The following HERC5 variants were observed in gnomAD, a reference collection of about 807,000 sequenced individuals.
HERC5 encodes the protein HECT and RLD domain containing E3 ubiquitin protein ligase 5, also known as E3 ISG15--protein ligase HERC5.
In HERC5, 99 loss-of-function variants were observed where a neutral mutation model predicts 119.6. The observed-to-expected ratio is 0.83, with a 90% CI of 0.70 to 0.98. The LOEUF (loss-of-function observed/expected upper bound fraction) is 0.98, where lower values mean the gene tolerates loss of function less well. HERC5 is among the 50% of genes least tolerant of loss of function. The pLI is 0.00. For missense variants in HERC5, 1,267 were observed against 1,241.3 expected (o/e 1.02, Z -0.31); for synonymous variants, 478 against 445.9 (o/e 1.07, Z -0.91).
chr4:88,489,430 C>A, intron 16 of HERC5, 94 bp downstream of exon 16: 1 of 1,184,752 alleles, frequency 8.4e-7, no homozygotes. Flanking sequence ...AAGTTATCTT[C>A]CTTTGCCACA....
Position 88,469,329 on chromosome 4 carries a change from A to G in HERC5, c.1238+69A>G. On this transcript the variant is annotated intron_variant, in intron 9 of 22. Coordinates refer to ENST00000264350, the MANE Select transcript of HERC5 (RefSeq NM_016323.4). ...GTATCATTTCCCAAACTGGTTCTGC[A>G]CAGCAATATGAGATTTTGTAGTCAG... 4 of 1,027,534 alleles carry G rather than the reference A, an allele frequency of 3.9e-6. No homozygotes were observed. In the South Asian group the frequency reaches 3.9e-5, roughly 10 times the overall value. 63.7% of individuals were successfully genotyped at this position (1,027,534 alleles called of 1,614,324 possible).
At chr4:88,489,472 C>T in intron 16 of HERC5, 136 bp downstream of exon 16, 2 of 818,704 alleles carry the variant, frequency 2.4e-6, no homozygotes, top group Non-Finnish European at 3.8e-6. Flanking sequence ...CCTCTGATTC[C>T]CTAGTTGCCT....
At chr4:88,463,427 C>G in intron 4 of HERC5, 105 bp from the exon 5 acceptor site, 1 of 706,624 alleles carries the variant, frequency 1.4e-6, no homozygotes, top group Admixed American at 2.3e-5. Context: ...GTCAGAATAT[C>G]ATGAGAACTG....
chr4:88,487,151 T>C lies in HERC5; in HGVS notation c.1934T>C (p.Leu645Pro). The C allele has an allele frequency of 6.3e-7, 1 of 1,587,680 alleles. No homozygotes were observed. The highest frequency in any genetic ancestry group is 8.6e-7 in the Non-Finnish European group (1 of 1,156,636). The stretch of plus-strand genomic sequence containing the variant: ...AATAATCTGTCGAAAATTAAACTAC[T>C]ACATACAGACACACTTTTAAAAATA... ...IFNNLSKIKL[L>P]HTDTLLKIES... is the part of the protein sequence containing the mutation. The change falls in exon 15 of 23, where the codon CTA becomes CCA. Residue 645 changes from leucine to proline, a missense_variant. Around this residue, in one of 3 missense-constraint regions of HERC5, gnomAD observed 473 missense variants for 445.7 expected, o/e 1.06. Transcript: ENST00000264350.
rs778905069 is a variant in HERC5, at chr4:88,462,263, G to A, written c.595G>A (p.Gly199Arg). 4 of 1,614,122 alleles carry A rather than the reference G, an allele frequency of 2.5e-6. No homozygotes were observed. The highest frequency in any genetic ancestry group is 1.1e-5 in the South Asian group (1 of 91,078). The change falls in exon 4 of 23, where the codon GGA (glycine) becomes AGA (arginine). Residue 199 changes from glycine to arginine, a missense_variant. By Grantham distance (125) the Gly-to-Arg change is moderately radical. Coordinates refer to ENST00000264350, the MANE Select transcript of HERC5 (RefSeq NM_016323.4). ...AGTACCCTTGGCTCAGATTTCTGCC[G>A]GAGAAGCCCACAGCATGGCCTTATC... is the stretch of plus-strand genomic sequence containing the variant. ...AGVPLAQISA[G>R]EAHSMALSMS...
intron 3 of HERC5, among the ~76,000 whole-genome samples, 193 bp from the exon 4 acceptor site, chr4:88,461,942 A>T (rs1408669519): frequency 6.6e-6 from 1 of 152,180 alleles, no homozygotes; most frequent in African/African-American, 2.4e-5. Context: ...GTGAGGGATA[A>T]GGAAGTGTAA....
Position 88,489,209 on chromosome 4 carries a change from A to G in HERC5, c.2006A>G (p.Glu669Gly), listed in dbSNP as rs1427969696. 2.5e-6 allele frequency: 4 copies of G among 1,613,704 alleles called. No individual in the cohort carries two copies. In the African/African-American group the frequency reaches 4.0e-5, roughly 16 times the overall value. ...KAYLRSAAIE[E>G]ERESEFALRP... ...TATCTTAGGTCGGCAGCAATTGAGG[A>G]AGAAAGAGAGTCTGAATTCGCTTTG... The change falls in exon 16 of 23, where the codon GAA becomes GGA. Residue 669 changes from glutamate to glycine, a missense_variant. Glu to Gly is a moderately conservative substitution (Grantham distance 98, BLOSUM62 -2). Transcript: ENST00000264350.
chr4:88,466,988 T>G, intron 6 of HERC5, 71 bp from the exon 7 acceptor site: 1 of 1,486,160 alleles, frequency 6.7e-7, no homozygotes. Context: ...TTTTGGCAAT[T>G]TACTGTATTG....
At chr4:88,479,284 CAAAAAAAAA>C (rs376253040) in intron 12 of HERC5, 60 bp from the exon 13 acceptor site, 2 of 932,136 alleles carry the variant, frequency 2.1e-6, no homozygotes, top group African/African-American at 3.0e-5. Flanking sequence ...GACTCTGTCT[CAAAAAAAAA>C]AAAAAAAAAG....
In HERC5 at chr4:88,457,535, G is replaced by GT; in HGVS notation, c.265+2dup. On this transcript the variant is annotated splice_donor_variant, in intron 1 of 22. Coordinates refer to ENST00000264350, the MANE Select transcript of HERC5 (RefSeq NM_016323.4). LOFTEE classifies it high-confidence loss of function. The stretch of plus-strand genomic sequence containing the variant: ...GGGAGCGGCGGCGCCCGGACGCCGA[G>GT]TGAGTGGGGCTGGTGTGTGAGGGCT... The GT allele has an allele frequency of 7.9e-7, 1 of 1,267,990 alleles. No individual in the cohort carries two copies. The highest frequency in any genetic ancestry group is 9.9e-7 in the Non-Finnish European group (1 of 1,006,360). The allele number at this position is 1,267,990 out of a possible 1,614,324, so 78.5% of individuals were successfully genotyped here.
intron 13 of HERC5, among the ~76,000 whole-genome samples, chr4:88,481,020 C>T (rs1741259981): frequency 6.6e-6 from 1 of 151,942 alleles, no homozygotes; most frequent in African/African-American, 2.4e-5. Context: ...TTTCTTTTTA[C>T]TCCTTGTGTC....
At chr4:88,500,128 A>G in intron 19 of HERC5, 136 bp downstream of exon 19, 1 of 603,554 alleles carries the variant, frequency 1.7e-6, no homozygotes, top group East Asian at 2.8e-5. Flanking sequence ...CTTCATCATG[A>G]TCTAGGTGCA....
chr4:88,485,634 C>G (rs757609063), intron 13 of HERC5, among the ~76,000 whole-genome samples: 1 of 152,074 alleles, frequency 6.6e-6, no homozygotes, highest in African/African-American at 2.4e-5. Flanking sequence ...ATTGTCTTCA[C>G]GACATGCCAG....
intron 13 of HERC5, among the ~76,000 whole-genome samples, chr4:88,482,995 T>C (rs1291792221): frequency 6.6e-6 from 1 of 152,152 alleles, no homozygotes; most frequent in African/African-American, 2.4e-5. Context: ...TATTTACTTA[T>C]AGATTCTTTT....
chr4:88,492,273 G>A (rs1415601350), intron 16 of HERC5, among the ~76,000 whole-genome samples: 2 of 151,736 alleles, frequency 1.3e-5, no homozygotes, highest in Non-Finnish European at 2.9e-5. Context: ...CAAAGTGCTG[G>A]CATTACAGGT....
chr4:88,462,368 A>T lies in HERC5; in HGVS notation c.688+12A>T. On this transcript the variant is annotated intron_variant, in intron 4 of 22. Transcript: ENST00000264350. ...GGGCCACACTGAGAGTATGGAACACATTCTCAGATTCCTATTACCAACAGA... is the reference window on the plus strand; with the variant it reads ...GGGCCACACTGAGAGTATGGAACACTTTCTCAGATTCCTATTACCAACAGA... 6.3e-7 allele frequency: 1 copy of T among 1,598,680 alleles called. No homozygotes were observed. The highest frequency in any genetic ancestry group is 8.6e-7 in the Non-Finnish European group (1 of 1,166,050).
chr4:88,496,928 C>T lies in HERC5; in HGVS notation c.2444+2597C>T, dbSNP rs191350945. Among the ~76,000 whole-genome samples, 638 of 152,138 alleles carry T rather than the reference C, an allele frequency of 4.2e-3. 1 individual carries two copies. The highest frequency in any genetic ancestry group is 0.015 in the African/African-American group (619 of 41,522). ...GGAGCCCTCATGAGTAGAATTCATT[C>T]CCCTATGAAAGAGGCCCAAGGGAGC... On this transcript the variant is annotated intron_variant, in intron 18 of 22. Transcript: ENST00000264350.
intron 5 of HERC5, 63 bp downstream of exon 5, chr4:88,463,686 G>A: frequency 6.8e-7 from 1 of 1,462,594 alleles, no homozygotes; most frequent in Non-Finnish European, 9.5e-7. Flanking sequence ...TGGGAAGTTA[G>A]TGTTTCCCAG....
chr4:88,486,207 G>T lies in HERC5; in HGVS notation c.1830G>T (p.Arg610Ser), dbSNP rs753455544. 1 of 1,607,442 alleles carries T rather than the reference G, an allele frequency of 6.2e-7. No homozygotes were observed. The highest frequency in any genetic ancestry group is 1.3e-5 in the African/African-American group (1 of 74,904). ...ATTTTTTTGTAGAAGTATGCAGAAGGTACTTGTGGAAAATGACTGTGGTAG... is the reference window on the plus strand; with the variant it reads ...ATTTTTTTGTAGAAGTATGCAGAAGTTACTTGTGGAAAATGACTGTGGTAG... ...RLNFFVEVCR[R>S]YLWKMTVDAS... The change falls in exon 14 of 23, where the codon AGG becomes AGT. Residue 610 changes from arginine (R) to serine (S), a missense_variant. By Grantham distance (110) the Arg-to-Ser change is moderately radical. Transcript: ENST00000264350.
Sources: allele counts gnomAD v4.1 joint callset (sites outside exome capture counted in the v4.1 genomes callset), GRCh38; gene constraint gnomAD v4.1.1; regional missense constraint gnomAD v4.1.1; transcripts MANE v1.5; gene names NCBI Gene and HGNC (gene_info 2026-07-23, HGNC 2026-07-21).